LDAH: variants seen among roughly 807,000 people sequenced by gnomAD.
LDAH encodes lipid droplet-associated hydrolase.
A neutral mutation model predicts 29.6 loss-of-function variants in LDAH; 26 were observed. The ratio of observed to expected loss-of-function variants is 0.88; its 90% CI spans 0.64 to 1.22. LDAH has a LOEUF of 1.22. Among genes scored for constraint, LDAH ranks in the 50% most tolerant of loss-of-function variants. The probability of loss-of-function intolerance (pLI) is 0.00; values close to 1 mark genes in which losing one functional copy is unlikely to be tolerated. For synonymous variants in LDAH, 117 were observed against 133.0 expected, an observed-to-expected ratio of 0.88 and a Z score of 0.83; for missense variants, 344 against 387.3, an observed-to-expected ratio of 0.89 and a Z score of 0.94.
chr2:20,703,696 T>G (rs1005417442), intron 5 of LDAH, among the ~76,000 whole-genome samples: 9 of 152,198 alleles, frequency 5.9e-5, no homozygotes, highest in Admixed American at 5.2e-4. Flanking sequence ...CCTGGAGACC[T>G]CCTTTCCAGG....
intron 5 of LDAH, among the ~76,000 whole-genome samples, chr2:20,702,256 T>C (rs1243661806): frequency 6.6e-6 from 1 of 152,232 alleles, no homozygotes; most frequent in Non-Finnish European, 1.5e-5. Context: ...GGCTTTCTTG[T>C]ACTGGTAAGA....
In LDAH at chr2:20,767,010, C is replaced by A. The variant is rs142279927; in HGVS notation, c.468+7800G>T. ...CTCCTGACGGCCAGACCAGGGCCTG[C>A]AATCCATTCCTGGAGGTGCGCACTG... On this transcript the variant is annotated intron_variant, in intron 4 of 6. Coordinates refer to ENST00000237822, the MANE Select transcript of LDAH (RefSeq NM_021925.4). Among the ~76,000 whole-genome samples, 231 of 152,342 alleles carry A rather than the reference C, an allele frequency of 1.5e-3. 2 individuals are homozygous for A. The highest frequency in any genetic ancestry group is 5.2e-3 in the African/African-American group (217 of 41,590).
intron 6 of LDAH, among the ~76,000 whole-genome samples, chr2:20,692,151 G>A (rs1261903619): frequency 6.6e-6 from 1 of 152,204 alleles, no homozygotes. Context: ...ACATTCAGAA[G>A]TGTGTAAGAT....
chr2:20,788,117 A>G (rs1670685611), intron 3 of LDAH, among the ~76,000 whole-genome samples: 1 of 152,230 alleles, frequency 6.6e-6, no homozygotes, highest in Non-Finnish European at 1.5e-5. Flanking sequence ...TTGTTTAATA[A>G]GCACATATAA....
intron 5 of LDAH, among the ~76,000 whole-genome samples, chr2:20,718,404 TA>T (rs1665399490): frequency 1.3e-5 from 2 of 151,624 alleles, no homozygotes; most frequent in South Asian, 4.2e-4. Flanking sequence ...TCAAAAACTA[TA>T]AAAAGAGACA....
chr2:20,731,365 C>T (rs1666391935), intron 5 of LDAH, among the ~76,000 whole-genome samples: 1 of 152,172 alleles, frequency 6.6e-6, no homozygotes, highest in African/African-American at 2.4e-5. Context: ...CTTTCTCAGT[C>T]CCGCTCCTCC....
At chr2:20,742,804 T>C (rs1667282907) in intron 4 of LDAH, among the ~76,000 whole-genome samples, 2 of 149,054 alleles carry the variant, frequency 1.3e-5, no homozygotes, top group Admixed American at 1.3e-4. Context: ...TTTTTTTTTT[T>C]TTTTTTTGAG....
At chr2:20,800,455 C>T (rs963407602) in intron 2 of LDAH, among the ~76,000 whole-genome samples, 3 of 152,106 alleles carry the variant, frequency 2.0e-5, no homozygotes, top group South Asian at 4.1e-4. Flanking sequence ...TGGCAATTCA[C>T]AGAATAAGAA....
intron 4 of LDAH, among the ~76,000 whole-genome samples, chr2:20,745,253 T>C (rs111514317): frequency 0.03 from 4,549 of 152,330 alleles, 229 homozygotes; most frequent in African/African-American, 0.1. Context: ...GTAGTTCTAC[T>C]AATGCTCTTG....
At chr2:20,768,755 A>AC (rs1244488138) in intron 4 of LDAH, among the ~76,000 whole-genome samples, 1 of 152,194 alleles carries the variant, frequency 6.6e-6, no homozygotes, top group Non-Finnish European at 1.5e-5. Context: ...CCGCTGATAC[A>AC]CATCTATGGC....
chr2:20,817,558 G>A (rs1672934233), intron 1 of LDAH, among the ~76,000 whole-genome samples: 1 of 152,004 alleles, frequency 6.6e-6, no homozygotes, highest in African/African-American at 2.4e-5. Context: ...TACCAGTTGT[G>A]TTCAACATTT....
chr2:20,694,911 C>T (rs779459047), intron 6 of LDAH, among the ~76,000 whole-genome samples: 19 of 152,364 alleles, frequency 1.2e-4, no homozygotes, highest in South Asian at 2.1e-4. Context: ...CTCTTTCTCA[C>T]GTGAGACTGC....
intron 1 of LDAH, among the ~76,000 whole-genome samples, chr2:20,813,278 T>C (rs1318164453): frequency 6.6e-6 from 1 of 152,228 alleles, no homozygotes; most frequent in East Asian, 1.9e-4. Context: ...TCTATAATTA[T>C]ACACAAATAT....
chr2:20,818,859 C>T (rs1558509018), intron 1 of LDAH, among the ~76,000 whole-genome samples: 1 of 152,068 alleles, frequency 6.6e-6, no homozygotes, highest in Non-Finnish European at 1.5e-5. Flanking sequence ...GTGTATGTTA[C>T]ACCAAGATTC....
chr2:20,815,942 G>A (rs1672817718), intron 1 of LDAH, among the ~76,000 whole-genome samples: 1 of 152,056 alleles, frequency 6.6e-6, no homozygotes, highest in South Asian at 2.1e-4. Flanking sequence ...AACAACATTT[G>A]ATGTGGTGTT....
intron 4 of LDAH, among the ~76,000 whole-genome samples, chr2:20,768,086 C>T (rs1054832523): frequency 4.6e-5 from 7 of 152,162 alleles, no homozygotes; most frequent in Admixed American, 6.5e-5. Flanking sequence ...CAATAAAGCT[C>T]CTCTCTGTCT....
Position 20,686,462 on chromosome 2 carries a change from C to A in LDAH, c.*441G>T. 6.5e-6 allele frequency: 1 copy of A among 154,906 alleles called. No individual in the cohort carries two copies. The highest frequency in any genetic ancestry group is 6.4e-5 in the Admixed American group (1 of 15,544). The allele number at this position is 154,906 out of a possible 1,614,324, so 9.6% of individuals were successfully genotyped here. ...CCTTGTCATAATCTCATACACTTCA[C>A]ATATCTAACTATACTCTTAACATTC... On this transcript the variant is annotated 3_prime_UTR_variant, in exon 7 of 7. Transcript: ENST00000237822.
intron 5 of LDAH, among the ~76,000 whole-genome samples, chr2:20,737,710 G>T (rs573454702): frequency 1.3e-5 from 2 of 152,228 alleles, no homozygotes; most frequent in Admixed American, 1.3e-4. Context: ...TCACCAGTAG[G>T]CATCTGTTCC....
intron 3 of LDAH, among the ~76,000 whole-genome samples, chr2:20,780,745 T>C (rs189214816): frequency 6.6e-6 from 1 of 152,296 alleles, no homozygotes; most frequent in Admixed American, 6.5e-5. Flanking sequence ...TCTTAACAAT[T>C]TGCTTGATTC....
Sources: allele counts gnomAD v4.1 joint callset (sites outside exome capture counted in the v4.1 genomes callset), GRCh38; gene constraint gnomAD v4.1.1; transcripts MANE v1.5; gene names NCBI Gene and HGNC (gene_info 2026-07-23, HGNC 2026-07-21).